The following TSHZ2 variants were observed in gnomAD, a reference collection of about 807,000 sequenced individuals.
TSHZ2 encodes teashirt homolog 2.
TSHZ2 carries 21 observed loss-of-function variants against 74.4 expected under a neutral mutation model. That is an observed-to-expected ratio of 0.28 (90% CI 0.20 to 0.41). TSHZ2 has a LOEUF of 0.41. Among genes scored for constraint, TSHZ2 ranks in the 10% least tolerant of loss-of-function variants. The pLI is 1.00. For missense variants in TSHZ2, 1,244 were observed against 1,293.5 expected (o/e 0.96, Z 0.59); for synonymous variants, 540 against 515.3 (o/e 1.05, Z -0.65).
chr20:53,171,721 G>A (rs1432882294), intron 1 of TSHZ2, among the ~76,000 whole-genome samples: 7 of 151,884 alleles, frequency 4.6e-5, no homozygotes, highest in Non-Finnish European at 8.8e-5. Flanking sequence ...CTTTTCTGAG[G>A]CTAAAACATG....
chr20:53,080,404 C>A lies in TSHZ2; in HGVS notation c.40+107071C>A, dbSNP rs189670010. ...AGGCAAGGACAAAGGTACAAGTGTACACATTTAACAAATGCATTGAATCCT... is the reference window on the plus strand; with the variant it reads ...AGGCAAGGACAAAGGTACAAGTGTAAACATTTAACAAATGCATTGAATCCT... On this transcript the variant is annotated intron_variant, in intron 1 of 2. Coordinates refer to ENST00000371497, the MANE Select transcript of TSHZ2 (RefSeq NM_173485.6). Among the ~76,000 whole-genome samples, 54 of 152,310 alleles carry A rather than the reference C, an allele frequency of 3.5e-4. 2 individuals are homozygous for A. The highest frequency in any genetic ancestry group is 1.3e-3 in the African/African-American group (54 of 41,566).
intron 2 of TSHZ2, among the ~76,000 whole-genome samples, chr20:53,486,335 A>C (rs1023159366): frequency 1.3e-5 from 2 of 152,150 alleles, no homozygotes; most frequent in Admixed American, 1.3e-4. Context: ...GCTATTGTGA[A>C]TAGTGTTGCT....
At chr20:52,980,632 A>G (rs922750518) in intron 1 of TSHZ2, among the ~76,000 whole-genome samples, 20 of 152,332 alleles carry the variant, frequency 1.3e-4, no homozygotes, top group Admixed American at 5.9e-4. Flanking sequence ...ATTGCTTTTA[A>G]TGAAAATAGT....
At chr20:53,402,911 C>A (rs1324726394) in intron 2 of TSHZ2, among the ~76,000 whole-genome samples, 1 of 152,198 alleles carries the variant, frequency 6.6e-6, no homozygotes, top group Non-Finnish European at 1.5e-5. Context: ...CTGTTCAGCT[C>A]CCAGGGCTGC....
At chr20:53,136,989 A>G (rs754491361) in intron 1 of TSHZ2, among the ~76,000 whole-genome samples, 1 of 152,156 alleles carries the variant, frequency 6.6e-6, no homozygotes, top group Non-Finnish European at 1.5e-5. Flanking sequence ...GGTTTAATGG[A>G]CTGATATCGT....
chr20:53,482,116 A>AAT (rs1986168385), intron 2 of TSHZ2, among the ~76,000 whole-genome samples: 1 of 97,978 alleles, frequency 1.0e-5, no homozygotes, highest in Admixed American at 9.7e-5. Flanking sequence ...CATAAAAAAA[A>AAT]AAAAAAAAAA....
chr20:53,336,666 T>C (rs2145559366), intron 2 of TSHZ2, among the ~76,000 whole-genome samples: 1 of 152,308 alleles, frequency 6.6e-6, no homozygotes, highest in African/African-American at 2.4e-5. Flanking sequence ...TGTGTTACGA[T>C]GGTAGATACA....
At chr20:53,075,891 T>C (rs1985349408) in intron 1 of TSHZ2, among the ~76,000 whole-genome samples, 1 of 152,080 alleles carries the variant, frequency 6.6e-6, no homozygotes, top group Non-Finnish European at 1.5e-5. Flanking sequence ...ACTGAATGTG[T>C]TTTAAGTGGC....
chr20:53,403,290 A>G (rs1039936604), intron 2 of TSHZ2, among the ~76,000 whole-genome samples: 1 of 152,188 alleles, frequency 6.6e-6, no homozygotes, highest in Non-Finnish European at 1.5e-5. Context: ...CTGAAATTTA[A>G]AAACAACTAC....
intron 1 of TSHZ2, among the ~76,000 whole-genome samples, chr20:53,052,145 C>T (rs1319307796): frequency 6.6e-6 from 1 of 152,184 alleles, no homozygotes; most frequent in African/African-American, 2.4e-5. Flanking sequence ...TTCTCTCCTA[C>T]TCCCCAGATC....
At chr20:53,431,405 GAGATCACGCC>G (rs1983844380) in intron 2 of TSHZ2, among the ~76,000 whole-genome samples, 1 of 150,958 alleles carries the variant, frequency 6.6e-6, no homozygotes, top group South Asian at 2.1e-4. Context: ...GTGGTGAGCT[GAGATCACGCC>G]AGTGCACTCC....
intron 2 of TSHZ2, among the ~76,000 whole-genome samples, chr20:53,287,811 T>G (rs1991197669): frequency 6.6e-6 from 1 of 152,238 alleles, no homozygotes; most frequent in Non-Finnish European, 1.5e-5. Flanking sequence ...TTTTTCTTAT[T>G]CAACCTGAAT....
intron 2 of TSHZ2, among the ~76,000 whole-genome samples, chr20:53,299,169 C>T (rs376654010): frequency 3.9e-5 from 6 of 152,120 alleles, no homozygotes; most frequent in East Asian, 1.9e-4. Context: ...GAGAGGAAGC[C>T]GCACCCTGTC....
intron 2 of TSHZ2, among the ~76,000 whole-genome samples, chr20:53,440,655 T>A (rs574931000): frequency 6.6e-6 from 1 of 152,308 alleles, no homozygotes; most frequent in South Asian, 2.1e-4. Context: ...TTCTCAAGTT[T>A]GGCTGTGCCG....
chr20:53,179,002 G>T (rs995514307), intron 1 of TSHZ2: 1 of 152,102 alleles, frequency 6.6e-6, no homozygotes, highest in African/African-American at 2.4e-5. Flanking sequence ...GTTTTAGTGT[G>T]ATTTTTTTAA....
At chr20:53,209,311 T>C (rs1389654229) in intron 1 of TSHZ2, among the ~76,000 whole-genome samples, 2 of 152,154 alleles carry the variant, frequency 1.3e-5, no homozygotes, top group African/African-American at 4.8e-5. Context: ...TGTCTCGAAC[T>C]CCTGACCTCA....
intron 2 of TSHZ2, among the ~76,000 whole-genome samples, chr20:53,456,130 C>T (rs1003590472): frequency 5.9e-5 from 9 of 151,802 alleles, no homozygotes; most frequent in African/African-American, 1.2e-4. Flanking sequence ...CCTGAGGAAT[C>T]GCCACACTGA....
At chr20:53,070,242 A>T (rs1266336471) in intron 1 of TSHZ2, among the ~76,000 whole-genome samples, 1 of 152,194 alleles carries the variant, frequency 6.6e-6, no homozygotes, top group Middle Eastern at 3.2e-3. Context: ...CTAAAGCTTG[A>T]TTTACAGCTA....
intron 1 of TSHZ2, among the ~76,000 whole-genome samples, chr20:53,032,017 C>T (rs1003048328): frequency 2.0e-5 from 3 of 152,090 alleles, no homozygotes; most frequent in South Asian, 2.1e-4. Flanking sequence ...AAAATCTTTG[C>T]GTCTCTAAAA....
Sources: allele counts gnomAD v4.1 joint callset (sites outside exome capture counted in the v4.1 genomes callset), GRCh38; gene constraint gnomAD v4.1.1; transcripts MANE v1.5; gene names NCBI Gene and HGNC (gene_info 2026-07-23, HGNC 2026-07-21).